The following BLTP1 variants were observed in gnomAD, a reference collection of about 807,000 sequenced individuals.
BLTP1 encodes the protein bridge-like lipid transfer protein family member 1.
At chr4:122,268,602 A>C in the BLTP1 span, among the ~76,000 whole-genome samples, 1 of 152,140 alleles carries the variant, frequency 6.6e-6, no homozygotes, top group East Asian at 1.9e-4. Context: ...CAACATTTCC[A>C]TGGTCAGCTG....
the BLTP1 span, among the ~76,000 whole-genome samples, chr4:122,320,628 A>G: frequency 6.6e-6 from 1 of 152,118 alleles, no homozygotes; most frequent in East Asian, 1.9e-4. Context: ...TAGTGATAGG[A>G]TGGTATATTT....
the BLTP1 span, chr4:122,318,026 T>G: frequency 9.7e-7 from 1 of 1,029,956 alleles, no homozygotes; most frequent in South Asian, 1.8e-5. Context: ...TATTGAGGGT[T>G]TTGGCTTGTC....
the BLTP1 span, among the ~76,000 whole-genome samples, chr4:122,320,327 T>G: frequency 6.6e-6 from 1 of 151,948 alleles, no homozygotes; most frequent in Non-Finnish European, 1.5e-5. Flanking sequence ...TTTAAAACAT[T>G]TTTTGTGGGG....
the BLTP1 span, among the ~76,000 whole-genome samples, chr4:122,321,276 C>T: frequency 2.9e-4 from 44 of 152,214 alleles, no homozygotes; most frequent in South Asian, 8.5e-3. Context: ...CTTTCAGTAA[C>T]ACTATACCAC....
the BLTP1 span, chr4:122,244,177 T>C: frequency 4.8e-6 from 4 of 835,090 alleles, no homozygotes; most frequent in Non-Finnish European, 6.7e-6. Context: ...TGATAGCTAT[T>C]TTGATTGAAT....
At chr4:122,348,796 C>A in the BLTP1 span, 1 of 931,250 alleles carries the variant, frequency 1.1e-6, no homozygotes, top group South Asian at 2.1e-5. Context: ...ATATTCAGAA[C>A]CTTTTTTGAA....
the BLTP1 span, chr4:122,267,767 A>G: frequency 4.5e-6 from 1 of 221,226 alleles, no homozygotes; most frequent in Non-Finnish European, 7.6e-6. Context: ...AATAGGAAAT[A>G]ATATACCCAC....
the BLTP1 span, chr4:122,223,894 A>C: frequency 2.0e-6 from 1 of 491,182 alleles, no homozygotes; most frequent in African/African-American, 2.1e-5. Context: ...GTGTGGAACT[A>C]GTGTTCCATG....
chr4:122,354,119 T>A, the BLTP1 span: 1 of 1,014,982 alleles, frequency 9.9e-7, no homozygotes, highest in Non-Finnish European at 1.4e-6. Flanking sequence ...TTCATTTCCT[T>A]AAACAATTTT....
the BLTP1 span, chr4:122,210,004 T>C: frequency 1.3e-6 from 2 of 1,514,518 alleles, no homozygotes; most frequent in Admixed American, 2.1e-5. Flanking sequence ...AGCAAATAAA[T>C]TGAAATGCAT....
chr4:122,174,902 A>G, the BLTP1 span: 2 of 345,984 alleles, frequency 5.8e-6, no homozygotes, highest in Admixed American at 6.4e-5. Context: ...GAGAAAGTGA[A>G]CCTTTAAATT....
At chr4:122,341,798 A>G in the BLTP1 span, 1 of 985,444 alleles carries the variant, frequency 1.0e-6, no homozygotes, top group African/African-American at 1.7e-5. Flanking sequence ...TGGAGCCTAA[A>G]CTGAATTTGG....
chr4:122,277,082 A>G, the BLTP1 span: 7 of 985,062 alleles, frequency 7.1e-6, no homozygotes, highest in Non-Finnish European at 8.4e-6. Flanking sequence ...GATCACATTT[A>G]TATTAGAAGT....
At chr4:122,175,319 G>C in the BLTP1 span, 8 of 938,046 alleles carry the variant, frequency 8.5e-6, no homozygotes, top group Non-Finnish European at 1.0e-5. Context: ...AAAAAGCTCA[G>C]AGACTGTAAG....
chr4:122,175,791 A>G, the BLTP1 span: 1 of 1,188,676 alleles, frequency 8.4e-7, no homozygotes, highest in Non-Finnish European at 1.2e-6. Context: ...TGGAATAACT[A>G]AGAAATGAGT....
the BLTP1 span, chr4:122,244,907 T>A: frequency 7.7e-7 from 1 of 1,290,988 alleles, no homozygotes; most frequent in Non-Finnish European, 1.1e-6. Flanking sequence ...ATTTCAATGT[T>A]GAGCAATTGT....
At chr4:122,239,615 C>T in the BLTP1 span, 1 of 1,614,086 alleles carries the variant, frequency 6.2e-7, no homozygotes, top group Non-Finnish European at 8.5e-7. Context: ...AACGACAAGC[C>T]TCTGTCTGTT....
chr4:122,198,486 A>G, the BLTP1 span: 1 of 953,906 alleles, frequency 1.0e-6, no homozygotes, highest in African/African-American at 1.8e-5. Context: ...TTCACAACTG[A>G]TGATACACAT....
At chr4:122,180,045 TACAC>T in the BLTP1 span, 36,656 of 891,526 alleles carry the variant, frequency 0.041, 89 homozygotes, top group Non-Finnish European at 0.044. Flanking sequence ...CACACACACA[TACAC>T]ACACACACAC....
Sources: allele counts gnomAD v4.1 joint callset (sites outside exome capture counted in the v4.1 genomes callset), GRCh38; gene constraint gnomAD v4.1.1; transcripts MANE v1.5; gene names NCBI Gene and HGNC (gene_info 2026-07-23, HGNC 2026-07-21).